The following NWD2 variants were observed in gnomAD, a reference collection of about 807,000 sequenced individuals.
NWD2 encodes the protein NACHT and WD repeat domain-containing protein 2.
NWD2 carries 37 observed loss-of-function variants against 132.7 expected under a neutral mutation model. The ratio of observed to expected loss-of-function variants is 0.28; its 90% CI spans 0.21 to 0.37. NWD2 has a LOEUF of 0.37. Among genes scored for constraint, NWD2 ranks in the 10% least tolerant of loss-of-function variants. The pLI is 1.00. For synonymous variants in NWD2, 705 were observed against 803.0 expected, an observed-to-expected ratio of 0.88 and a Z score of 2.06; for missense variants, 1,592 against 2,122.4, an observed-to-expected ratio of 0.75 and a Z score of 4.91.
chr4:37,277,644 T>TA (rs996620848), intron 1 of NWD2, among the ~76,000 whole-genome samples: 4 of 152,114 alleles, frequency 2.6e-5, no homozygotes, highest in Admixed American at 6.6e-5. Flanking sequence ...TTTGCCATTC[T>TA]AAAAAATGGT....
intron 3 of NWD2, among the ~76,000 whole-genome samples, chr4:37,362,116 G>A (rs1719992221): frequency 6.6e-6 from 1 of 152,188 alleles, no homozygotes. Flanking sequence ...AACCAAGGAA[G>A]TGAAAGATAT....
At chr4:37,294,717 A>T (rs1718441623) in intron 1 of NWD2, among the ~76,000 whole-genome samples, 1 of 152,238 alleles carries the variant, frequency 6.6e-6, no homozygotes, top group African/African-American at 2.4e-5. Context: ...TTCATGATTG[A>T]TGAAATACAC....
intron 2 of NWD2, among the ~76,000 whole-genome samples, chr4:37,355,319 A>AT (rs1719850449): frequency 6.6e-6 from 1 of 152,186 alleles, no homozygotes; most frequent in African/African-American, 2.4e-5. Context: ...CCATGAGAAT[A>AT]TTTTTTAAAG....
chr4:37,417,880 A>G (rs1185595642), intron 3 of NWD2, among the ~76,000 whole-genome samples: 1 of 152,210 alleles, frequency 6.6e-6, no homozygotes, highest in Non-Finnish European at 1.5e-5. Flanking sequence ...AACTTAATAT[A>G]GATTAAGATT....
intron 2 of NWD2, among the ~76,000 whole-genome samples, chr4:37,348,667 T>TACACAC (rs1424442171): frequency 1.4e-5 from 1 of 71,796 alleles, no homozygotes; most frequent in African/African-American, 5.9e-5. Flanking sequence ...TATATATATA[T>TACACAC]ATATATATAC....
chr4:37,305,852 A>G (rs575960150), intron 1 of NWD2, among the ~76,000 whole-genome samples: 2 of 151,362 alleles, frequency 1.3e-5, no homozygotes, highest in Non-Finnish European at 2.9e-5. Context: ...TAATAGAATA[A>G]TTAATTAATA....
intron 3 of NWD2, among the ~76,000 whole-genome samples, chr4:37,383,664 T>G (rs1052086041): frequency 2.6e-5 from 4 of 152,240 alleles, no homozygotes; most frequent in African/African-American, 7.2e-5. Flanking sequence ...GAGTGTTATA[T>G]GCTGCTTTCC....
At chr4:37,288,559 T>C (rs1718289926) in intron 1 of NWD2, among the ~76,000 whole-genome samples, 1 of 152,224 alleles carries the variant, frequency 6.6e-6, no homozygotes, top group African/African-American at 2.4e-5. Context: ...GTCAACCTAA[T>C]TTATGTATTA....
chr4:37,271,361 A>G (rs1717867792), intron 1 of NWD2, among the ~76,000 whole-genome samples: 1 of 151,912 alleles, frequency 6.6e-6, no homozygotes, highest in African/African-American at 2.4e-5. Context: ...GAGCCTTTTA[A>G]TACATGAATG....
chr4:37,398,882 G>A (rs991232839), intron 3 of NWD2, among the ~76,000 whole-genome samples: 24 of 152,032 alleles, frequency 1.6e-4, no homozygotes, highest in African/African-American at 4.8e-4. Context: ...AAGGAGCTAG[G>A]GAGAAACAAC....
At chr4:37,432,489 A>AG (rs1383139428) in intron 4 of NWD2, among the ~76,000 whole-genome samples, 3 of 152,082 alleles carry the variant, frequency 2.0e-5, no homozygotes, top group Non-Finnish European at 4.4e-5. Context: ...TCCAGAAGAT[A>AG]GCTTCAGATT....
intron 1 of NWD2, among the ~76,000 whole-genome samples, chr4:37,320,055 T>C (rs922341331): frequency 2.0e-5 from 3 of 152,226 alleles, no homozygotes; most frequent in African/African-American, 7.2e-5. Context: ...AATCTGTAGA[T>C]TGCTTTAGGC....
chr4:37,287,272 C>A (rs1046101970), intron 1 of NWD2, among the ~76,000 whole-genome samples: 1 of 152,250 alleles, frequency 6.6e-6, no homozygotes, highest in African/African-American at 2.4e-5. Flanking sequence ...GCCTGCAGAG[C>A]TCCCAGGGAA....
chr4:37,400,947 A>G (rs1203907951), intron 3 of NWD2, among the ~76,000 whole-genome samples: 1 of 152,248 alleles, frequency 6.6e-6, no homozygotes, highest in Non-Finnish European at 1.5e-5. Context: ...GCACTTGGAA[A>G]GCAGGATTAT....
intron 2 of NWD2, among the ~76,000 whole-genome samples, chr4:37,333,892 C>A (rs1176108946): frequency 4.0e-5 from 6 of 151,872 alleles, no homozygotes; most frequent in African/African-American, 1.5e-4. Context: ...TTGAAAAAAG[C>A]AGAAATTCTG....
intron 1 of NWD2, among the ~76,000 whole-genome samples, chr4:37,303,041 T>A: frequency 6.6e-6 from 1 of 152,218 alleles, no homozygotes; most frequent in East Asian, 1.9e-4. Context: ...ATCAGTGTCC[T>A]TAAGTATTTC....
chr4:37,393,585 T>C (rs989827824), intron 3 of NWD2, among the ~76,000 whole-genome samples: 1 of 152,188 alleles, frequency 6.6e-6, no homozygotes, highest in Non-Finnish European at 1.5e-5. Flanking sequence ...TAACGGGCCA[T>C]TGCGTCTCTT....
At chr4:37,326,983 T>A (rs1719185816) in intron 2 of NWD2, among the ~76,000 whole-genome samples, 1 of 152,184 alleles carries the variant, frequency 6.6e-6, no homozygotes, top group Non-Finnish European at 1.5e-5. Flanking sequence ...CAGACCATGA[T>A]GACACACACA....
Position 37,430,596 on chromosome 4 carries a change from A to C in NWD2, c.382A>C (p.Asn128His), listed in dbSNP as rs1712141972. 1 of 1,551,466 alleles carries C rather than the reference A, an allele frequency of 6.4e-7. No individual in the cohort carries two copies. Among genetic ancestry groups the C allele is most frequent in the South Asian group, 1.2e-5 (1 of 84,064 alleles). The change falls in exon 4 of 7, where the codon AAT (asparagine) becomes CAT (histidine). Residue 128 changes from asparagine to histidine, a missense_variant. Physicochemically the swap from Asn to His is moderately conservative, Grantham distance 68 (BLOSUM62 1). This residue lies in a region of NWD2 where 144 missense variants were observed against 185.7 expected (regional missense o/e 0.78). Coordinates refer to ENST00000309447, the MANE Select transcript of NWD2 (RefSeq NM_001144990.2). ...GGGACTATTAGGTGAAAAATATGGG[A>C]ATATCCGAATCCCTGGAGAAGTTGA... ...FVGLLGEKYG[N>H]IRIPGEVEAS...
Sources: allele counts gnomAD v4.1 joint callset (sites outside exome capture counted in the v4.1 genomes callset), GRCh38; gene constraint gnomAD v4.1.1; regional missense constraint gnomAD v4.1.1; transcripts MANE v1.5; gene names NCBI Gene and HGNC (gene_info 2026-07-23, HGNC 2026-07-21).